Variants in ADGRF1 observed in about 807,000 individuals in gnomAD.
The protein encoded by ADGRF1 is adhesion G protein-coupled receptor F1, also known as G protein-coupled receptor 110.
A neutral mutation model predicts 87.2 loss-of-function variants in ADGRF1; 85 were observed. The observed-to-expected ratio is 0.97, with a 90% CI of 0.82 to 1.17. The LOEUF (loss-of-function observed/expected upper bound fraction) is 1.17. ADGRF1 is among the 50% of genes most tolerant of loss of function. The pLI, the probability that ADGRF1 is intolerant of heterozygous loss-of-function variation, is 0.00. For synonymous variants in ADGRF1, 430 were observed against 408.8 expected (o/e 1.05, Z -0.63); for missense variants, 1,169 against 1,077.2 (o/e 1.09, Z -1.19).
chr6:47,009,430 G>A lies in ADGRF1; in HGVS notation c.2005C>T (p.Leu669Phe). 1.9e-6 allele frequency: 3 copies of A among 1,613,918 alleles called. No homozygotes were observed. The highest frequency in any genetic ancestry group is 2.5e-6 in the Non-Finnish European group (3 of 1,179,964). ...AAVFFTHFFYLSLFFWMLMLG... is the reference protein window; with the variant it reads ...AAVFFTHFFYFSLFFWMLMLG... ...ATGAGCATCCAGAAGAACAAAGAGA[G>A]GTAGAAGAAGTGTGTAAAGAACACA... Residue 669 changes from leucine (L) to phenylalanine (F), a missense_variant, in exon 11 of 15, where the codon CTC becomes TTC. Coordinates refer to ENST00000371253, the MANE Select transcript of ADGRF1 (RefSeq NM_153840.4).
intron 1 of ADGRF1, among the ~76,000 whole-genome samples, chr6:47,033,509 C>G (rs184296111): frequency 2.6e-5 from 4 of 152,360 alleles, no homozygotes; most frequent in East Asian, 3.9e-4. Context: ...CGCTGTTTCT[C>G]TGGCATCAAT....
At chr6:47,015,887 T>G (rs1170201947) in intron 8 of ADGRF1, among the ~76,000 whole-genome samples, 2 of 151,944 alleles carry the variant, frequency 1.3e-5, no homozygotes, top group Non-Finnish European at 2.9e-5. Context: ...CTTTAGCCAC[T>G]GCACTGGGCC....
In ADGRF1 at chr6:47,009,761, G is replaced by T. The variant is rs760333281; in HGVS notation, c.1674C>A (p.Ile558=). Residue 558 remains isoleucine (I), a synonymous_variant, in exon 11 of 15, where the codon ATC becomes ATA. Transcript: ENST00000371253. ...TCAAGTGAGTACATTGGCACGTCAC[G>T]ATGTCTTGAGTTTCATTCACTAGGT... ...GCHLVNETQD[I]VTCQCTHLTS... 1 of 1,614,168 alleles carries T rather than the reference G, an allele frequency of 6.2e-7. No individual in the cohort carries two copies. The highest frequency in any genetic ancestry group is 1.7e-5 in the Admixed American group (1 of 60,018).
At position 47,010,061 on chromosome 6, in the gene ADGRF1, A is replaced by C; in HGVS notation, c.1374T>G (p.Ile458Met). ...CAATTAACACACGGCCTCTGATGGG[A>C]ATAGATGTATTTTGGGGACACATTT... is the stretch of plus-strand genomic sequence containing the variant. ...QIKMCPQNTS[I>M]PIRGRVLIGS... Residue 458 changes from isoleucine (I) to methionine (M), a missense_variant, in exon 11 of 15, where the codon ATT becomes ATG. By Grantham distance (10) the Ile-to-Met change is conservative (BLOSUM62 1). Coordinates refer to ENST00000371253, the MANE Select transcript of ADGRF1 (RefSeq NM_153840.4). 1 of 1,614,092 alleles carries C rather than the reference A, an allele frequency of 6.2e-7. No individual in the cohort carries two copies. The highest frequency in any genetic ancestry group is 2.2e-5 in the East Asian group (1 of 44,872).
chr6:47,013,061 T>G, intron 9 of ADGRF1: 5 of 985,418 alleles, frequency 5.1e-6, no homozygotes, highest in Non-Finnish European at 6.0e-6. Flanking sequence ...CATGAGCCAC[T>G]GCACCCGGCC....
chr6:47,014,070 A>T (rs1779787693), intron 9 of ADGRF1: 1 of 169,810 alleles, frequency 5.9e-6, no homozygotes, highest in Admixed American at 6.5e-5. Context: ...TAACAATGTG[A>T]GAACAGACTA....
At chr6:47,014,264 C>T (rs1255510108) in intron 9 of ADGRF1, 2 of 987,336 alleles carry the variant, frequency 2.0e-6, no homozygotes, top group Non-Finnish European at 2.4e-6. Context: ...CTGACCCACT[C>T]CTTGCCCTAA....
chr6:47,016,948 TG>T, intron 7 of ADGRF1, 180 bp from the exon 8 acceptor site: 61 of 504,376 alleles, frequency 1.2e-4, no homozygotes, highest in Non-Finnish European at 1.6e-4. Context: ...CATATATATA[TG>T]ATATATATAT....
chr6:47,035,959 G>A (rs1229380553), intron 1 of ADGRF1, among the ~76,000 whole-genome samples: 2 of 152,156 alleles, frequency 1.3e-5, no homozygotes, highest in African/African-American at 4.8e-5. Context: ...GGCTGGGCGC[G>A]ATGGCTCAAG....
intron 2 of ADGRF1, 96 bp from the exon 3 acceptor site, chr6:47,027,857 C>T (rs562101113): frequency 7.7e-5 from 64 of 827,268 alleles, no homozygotes; most frequent in Non-Finnish European, 1.0e-5. Flanking sequence ...AATCATGAAT[C>T]TAAAATCCAA....
At chr6:47,034,045 A>G (rs943047752) in intron 1 of ADGRF1, among the ~76,000 whole-genome samples, 1 of 152,246 alleles carries the variant, frequency 6.6e-6, no homozygotes, top group Admixed American at 6.5e-5. Context: ...CACATGTTTT[A>G]GCACATTCAT....
chr6:47,015,691 G>T (rs575797120), intron 8 of ADGRF1, among the ~76,000 whole-genome samples: 1 of 151,936 alleles, frequency 6.6e-6, no homozygotes, highest in Admixed American at 6.6e-5. Context: ...GGGTTCAAGT[G>T]ATTCCCCTGC....
At chr6:47,000,325 T>C (rs376701046) in intron 14 of ADGRF1, 30 bp from the exon 15 acceptor site, 7 of 1,512,596 alleles carry the variant, frequency 4.6e-6, no homozygotes, top group Non-Finnish European at 5.5e-6. Flanking sequence ...GAAATAATTA[T>C]TGTTACTCTG....
intron 1 of ADGRF1, among the ~76,000 whole-genome samples, chr6:47,039,235 C>T (rs1045899834): frequency 4.6e-5 from 7 of 152,204 alleles, no homozygotes; most frequent in African/African-American, 1.4e-4. Context: ...ACCAAGAAGA[C>T]ACCATGAGGA....
Position 47,010,186 on chromosome 6 carries a change from G to T in ADGRF1, c.1249C>A (p.Pro417Thr), listed in dbSNP as rs1405887810. 2 of 1,614,100 alleles carry T rather than the reference G, an allele frequency of 1.2e-6. No individual in the cohort carries two copies. The highest frequency in any genetic ancestry group is 1.7e-5 in the Admixed American group (1 of 60,012). ...TLENISTLVP[P>T]TALPLNFSRK... ...GAAAAATTCAGAGGAAGAGCTGTCGGAGGCACCAGAGTGCTGATGTTTTCT... is the reference window on the plus strand; with the variant it reads ...GAAAAATTCAGAGGAAGAGCTGTCGTAGGCACCAGAGTGCTGATGTTTTCT... Residue 417 changes from proline to threonine, a missense_variant, in exon 11 of 15, where the codon CCG (proline) becomes ACG (threonine). Physicochemically the swap from Pro to Thr is conservative, Grantham distance 38 (BLOSUM62 -1). Transcript: ENST00000371253.
At position 47,010,254 on chromosome 6, in the gene ADGRF1, A is replaced by C. The variant is rs1412409532; in HGVS notation, c.1181T>G (p.Leu394Arg). Residue 394 changes from leucine to arginine, a missense_variant, in exon 11 of 15, where the codon CTG (leucine) becomes CGG (arginine). Leu to Arg is a moderately radical substitution (Grantham distance 102, BLOSUM62 -2). Transcript: ENST00000371253. ...SASVTNWTVLLREEKYASSRL... is the reference protein window; with the variant it reads ...SASVTNWTVLRREEKYASSRL... ...TGAGCTGGCATACTTTTCTTCCCGC[A>C]GTAAGACTGTCCAGTTGGTTACTGA... 2.5e-6 allele frequency: 4 copies of C among 1,613,938 alleles called. No homozygotes were observed. In the East Asian group the frequency reaches 8.9e-5, roughly 36 times the overall value.
At position 47,012,000 on chromosome 6, in the gene ADGRF1, A is replaced by G; in HGVS notation, c.1116+7T>C. On this transcript the variant is annotated splice_region_variant and intron_variant, in intron 10 of 14. Transcript: ENST00000371253. Reference sequence around the variant, plus strand: ...AAGTGAGCCCTTCAAGCACAGGCAGACCATACCTCCATTGTTGAATTGGAC... The same window carrying G: ...AAGTGAGCCCTTCAAGCACAGGCAGGCCATACCTCCATTGTTGAATTGGAC... The G allele has an allele frequency of 6.2e-6, 10 of 1,611,450 alleles. No homozygotes were observed. The highest frequency in any genetic ancestry group is 8.5e-6 in the Non-Finnish European group (10 of 1,177,824).
At chr6:47,020,267 C>T (rs1038282072) in intron 7 of ADGRF1, 17 of 1,217,280 alleles carry the variant, frequency 1.4e-5, no homozygotes, top group Admixed American at 3.7e-5. Context: ...CCGAGGCAGG[C>T]GGATCACCTG....
intron 13 of ADGRF1, 43 bp from the exon 14 acceptor site, chr6:47,001,610 C>G: frequency 6.7e-7 from 1 of 1,492,510 alleles, no homozygotes; most frequent in Middle Eastern, 1.7e-4. Flanking sequence ...TAATAGCATT[C>G]TTTTACTGTT....
Sources: gnomAD v4.1 joint callset for allele counts (sites outside exome capture counted in the v4.1 genomes callset) on GRCh38, gnomAD v4.1.1 for gene constraint, MANE v1.5 for transcripts, NCBI Gene and HGNC (gene_info 2026-07-23, HGNC 2026-07-21) for gene names.